The following MTHFSD variants were observed in gnomAD, a reference collection of about 807,000 sequenced individuals.
MTHFSD encodes methenyltetrahydrofolate synthetase domain containing.
A neutral mutation model predicts 31.1 loss-of-function variants in MTHFSD; 37 were observed. That is an observed-to-expected ratio of 1.19 (90% CI 0.91 to 1.56). The LOEUF is 1.56. Among genes scored for constraint, MTHFSD ranks in the 40% most tolerant of loss-of-function variants. The probability of loss-of-function intolerance (pLI) is 0.00; values close to 1 mark genes in which losing one functional copy is unlikely to be tolerated. For synonymous variants in MTHFSD, 221 were observed against 206.9 expected (o/e 1.07, Z -0.59); for missense variants, 664 against 510.1 (o/e 1.30, Z -2.91).
chr16:86,542,259 C>T lies in MTHFSD; in HGVS notation c.443-46G>A, dbSNP rs377719823. 20 of 1,503,564 alleles carry T rather than the reference C, an allele frequency of 1.3e-5. No individual in the cohort carries two copies. Among genetic ancestry groups the T allele is most frequent in the Middle Eastern group, 1.7e-4 (1 of 5,796 alleles). The allele number at this position is 1,503,564 out of a possible 1,614,324, so 93.1% of individuals were successfully genotyped here. A position where few individuals can be genotyped will look rare whatever the true frequency, so the allele number is the denominator to read the frequency against. ...AGTATCGCTGTGCGGTCCGGGGCAT[C>T]GCTGAGAAGTGGATTTTCCATCAGG... On this transcript the variant is annotated intron_variant, in intron 5 of 7. Transcript: ENST00000360900. The surrounding 1 kb of genome is among the most constrained non-coding windows in gnomAD (Gnocchi z 4.6).
intron 5 of MTHFSD, among the ~76,000 whole-genome samples, chr16:86,545,608 G>A (rs1272662224): frequency 6.6e-6 from 1 of 152,112 alleles, no homozygotes; most frequent in Admixed American, 6.5e-5. Flanking sequence ...GCAGGAGCCA[G>A]CCCTGAGGCC....
rs370125363 is a variant in MTHFSD at position 86,541,837 on chromosome 16, G to A, written c.556-15C>T. 3.5e-5 allele frequency: 56 copies of A among 1,613,602 alleles called. No individual in the cohort carries two copies. The highest frequency in any genetic ancestry group is 2.7e-4 in the South Asian group (25 of 91,054). On this transcript the variant is annotated splice_polypyrimidine_tract_variant and intron_variant, in intron 6 of 7. Coordinates refer to ENST00000360900, the MANE Select transcript of MTHFSD (RefSeq NM_001159377.2). ...ATGTCCACGACCTGGGGGAAGAGAG[G>A]AGGGATAAAGGGGCTGCTGGGAATG...
At chr16:86,553,732 G>C (rs1444277255) in intron 2 of MTHFSD, 1 of 152,724 alleles carries the variant, frequency 6.5e-6, no homozygotes, top group Non-Finnish European at 1.5e-5. Context: ...AACGGCTGAG[G>C]AGTGCGGGTG....
intron 5 of MTHFSD, among the ~76,000 whole-genome samples, chr16:86,544,115 C>A (rs951021790): frequency 4.6e-5 from 7 of 152,148 alleles, no homozygotes; most frequent in African/African-American, 1.2e-4. Context: ...GTAGGAATAA[C>A]AGAACTAAAG....
intron 5 of MTHFSD, among the ~76,000 whole-genome samples, chr16:86,543,042 C>T (rs1971744753): frequency 6.6e-6 from 1 of 152,204 alleles, no homozygotes; most frequent in Admixed American, 6.5e-5. Context: ...TTTGACAATT[C>T]AAAACCTTCA....
rs1281064159 is a variant in MTHFSD, at chr16:86,541,861, T to C, written c.556-39A>G. 3 of 1,610,920 alleles carry C rather than the reference T, an allele frequency of 1.9e-6. No individual in the cohort carries two copies. In the African/African-American group the frequency reaches 4.0e-5, roughly 22 times the overall value. Reference sequence around the variant, plus strand: ...GGAGGGATAAAGGGGCTGCTGGGAATGCCACTGCAGTCGTGCACACTGCCC... The same window carrying C: ...GGAGGGATAAAGGGGCTGCTGGGAACGCCACTGCAGTCGTGCACACTGCCC... On this transcript the variant is annotated intron_variant, in intron 6 of 7. Transcript: ENST00000360900.
rs367765657 is a variant in MTHFSD, at chr16:86,548,460, T to C, written c.351+4A>G. ...TAGGTGGGGACATTGCTTCTGGTAC[T>C]TACCTGAGAGGTGGCACATTTTCTC... On this transcript the variant is annotated splice_donor_region_variant and intron_variant, in intron 4 of 7. Transcript: ENST00000360900. 232 of 1,611,266 alleles carry C rather than the reference T, an allele frequency of 1.4e-4. No homozygotes were observed. The highest frequency in any genetic ancestry group is 1.8e-4 in the Non-Finnish European group (215 of 1,177,786).
chr16:86,538,971 C>T lies in MTHFSD; in HGVS notation c.681+2726G>A, dbSNP rs866433431. On this transcript the variant is annotated intron_variant, in intron 7 of 7. Coordinates refer to ENST00000360900, the MANE Select transcript of MTHFSD (RefSeq NM_001159377.2). ...ACACGAGGACAGAGCAGACAATGTG[C>T]CTTCTAGAAAGGAGGAGCAAAAGCA... 2.0e-5 allele frequency among the ~76,000 whole-genome samples: 3 copies of T among 152,146 alleles called. No homozygotes were observed. The South Asian group carries it at 6.2e-4, about 32-fold the overall frequency.
At chr16:86,540,738 T>C (rs923313530) in intron 7 of MTHFSD, 76 of 989,908 alleles carry the variant, frequency 7.7e-5, no homozygotes, top group Middle Eastern at 5.2e-4. Flanking sequence ...TTTCATTTCC[T>C]GGAAGAGCAG....
chr16:86,546,502 C>T (rs570353100), intron 5 of MTHFSD, 57 bp downstream of exon 5: 19 of 1,484,718 alleles, frequency 1.3e-5, no homozygotes, highest in African/African-American at 5.5e-5. Flanking sequence ...CAGCCTGGCA[C>T]GCAGCCGCCT....
intron 2 of MTHFSD, among the ~76,000 whole-genome samples, chr16:86,554,150 T>C (rs1399433889): frequency 2.0e-5 from 3 of 152,122 alleles, no homozygotes; most frequent in African/African-American, 7.2e-5. Flanking sequence ...AGGTTTGTTC[T>C]TTGCAATAAA....
In MTHFSD at chr16:86,542,344, GAAATGCCCACC is replaced by G. The variant is rs1183885971; in HGVS notation, c.443-142_443-132del. On this transcript the variant is annotated intron_variant, in intron 5 of 7. Transcript: ENST00000360900. This position sits in a 1 kb window ranked among gnomAD's most constrained non-coding sequence, Gnocchi z 4.6. ...GAGCTAATCTATAGAAATTTTCACA[GAAATGCCCACC>G]AAATGCCCACAAGCAGCCCACACTG... 10 of 751,178 alleles carry G rather than the reference GAAATGCCCACC, an allele frequency of 1.3e-5. No homozygotes were observed. The highest frequency in any genetic ancestry group is 1.5e-5 in the Non-Finnish European group (7 of 473,342). The allele number at this position is 751,178 out of a possible 1,614,324, so 46.5% of individuals were successfully genotyped here.
intron 4 of MTHFSD, chr16:86,547,223 T>C (rs1597367523): frequency 2.0e-6 from 2 of 986,018 alleles, no homozygotes; most frequent in Non-Finnish European, 2.4e-6. Context: ...TTCTAAAAAA[T>C]TATCCCTTCA....
intron 7 of MTHFSD, 112 bp downstream of exon 7, chr16:86,541,585 C>T: frequency 1.4e-6 from 2 of 1,451,570 alleles, no homozygotes; most frequent in Non-Finnish European, 1.9e-6. Flanking sequence ...TTGGGTGATT[C>T]TAACATACAG....
chr16:86,535,690 C>T (rs910314200), intron 7 of MTHFSD, among the ~76,000 whole-genome samples: 10 of 152,142 alleles, frequency 6.6e-5, no homozygotes, highest in Non-Finnish European at 4.4e-5. Context: ...TCAAGATTTC[C>T]GATTGAGAGT....
At chr16:86,532,793 A>C (rs1355169443) in intron 7 of MTHFSD, 3 of 227,046 alleles carry the variant, frequency 1.3e-5, no homozygotes, top group Middle Eastern at 1.3e-3. Flanking sequence ...AGAAGCAGGA[A>C]AGTAAAGCTG....
chr16:86,533,516 T>C, intron 7 of MTHFSD: 1 of 152,236 alleles, frequency 6.6e-6, no homozygotes, highest in East Asian at 1.9e-4. Context: ...GAAGTGAATA[T>C]GTCGCAGTAC....
intron 7 of MTHFSD, among the ~76,000 whole-genome samples, chr16:86,540,042 C>T (rs547551702): frequency 5.8e-4 from 88 of 152,306 alleles, no homozygotes; most frequent in Admixed American, 1.4e-3. Context: ...CACATTCAAA[C>T]TCTTTAATGG....
At chr16:86,543,512 G>A (rs1339526130) in intron 5 of MTHFSD, among the ~76,000 whole-genome samples, 1 of 152,198 alleles carries the variant, frequency 6.6e-6, no homozygotes, top group Non-Finnish European at 1.5e-5. Flanking sequence ...TGCATCCATC[G>A]GCGGGGGTGG....
Sources: allele counts gnomAD v4.1 joint callset (sites outside exome capture counted in the v4.1 genomes callset), GRCh38; gene constraint gnomAD v4.1.1; non-coding constraint Gnocchi (gnomAD v3.1); transcripts MANE v1.5; gene names NCBI Gene and HGNC (gene_info 2026-07-23, HGNC 2026-07-21).